Variants in RANBP17 observed in about 807,000 individuals in gnomAD.
RANBP17 encodes ran-binding protein 17.
Under a neutral mutation model 141.2 loss-of-function variants are expected in RANBP17, and 158 were observed. The ratio of observed to expected loss-of-function variants is 1.12; its 90% CI spans 0.98 to 1.28. RANBP17 has a LOEUF of 1.28. RANBP17 is among the 50% of genes most tolerant of loss of function. The pLI, the probability that RANBP17 is intolerant of heterozygous loss-of-function variation, is 0.00. For synonymous variants in RANBP17, 430 were observed against 450.0 expected (o/e 0.96, Z 0.56); for missense variants, 1,438 against 1,290.7 (o/e 1.11, Z -1.75).
At chr5:170,897,851 A>C (rs1368486487) in intron 5 of RANBP17, among the ~76,000 whole-genome samples, 1 of 152,194 alleles carries the variant, frequency 6.6e-6, no homozygotes. Flanking sequence ...GCTATTGTGA[A>C]TAGTGATGCA....
intron 14 of RANBP17, among the ~76,000 whole-genome samples, chr5:171,088,359 TA>T (rs1190691692): frequency 6.6e-6 from 1 of 152,192 alleles, no homozygotes. Context: ...CTTCCCTTTG[TA>T]AGTAACATGA....
At chr5:170,944,781 A>G (rs960409129) in intron 12 of RANBP17, among the ~76,000 whole-genome samples, 2 of 152,226 alleles carry the variant, frequency 1.3e-5, no homozygotes, top group African/African-American at 4.8e-5. Context: ...GAAAATGCTC[A>G]TAATTAATCA....
At chr5:170,908,445 C>T (rs1561878136) in intron 5 of RANBP17, among the ~76,000 whole-genome samples, 1 of 151,504 alleles carries the variant, frequency 6.6e-6, no homozygotes, top group Non-Finnish European at 1.5e-5. Flanking sequence ...TTCTCACTTC[C>T]AGTAGGAGTT....
chr5:170,979,394 C>T (rs929709342), intron 14 of RANBP17, among the ~76,000 whole-genome samples: 12 of 152,186 alleles, frequency 7.9e-5, no homozygotes, highest in African/African-American at 2.9e-4. Context: ...CTCCTGTCCC[C>T]TTGCAACTGT....
rs182681283 is a variant in RANBP17, at chr5:170,922,053, T to G, written c.1275-2304T>G. On this transcript the variant is annotated intron_variant, in intron 11 of 27. Coordinates refer to ENST00000523189, the MANE Select transcript of RANBP17 (RefSeq NM_022897.5). ...TTTTGTTGATGTCGATGCTATTCCT[T>G]TCTGTTTGTTAGTTTTCCTTCTAAC... Among the ~76,000 whole-genome samples the G allele has an allele frequency of 3.0e-4, 46 of 152,182 alleles. 2 individuals carry two copies. The highest frequency in any genetic ancestry group is 1.1e-3 in the African/African-American group (45 of 41,532).
At chr5:171,166,807 C>T (rs1167302921) in intron 14 of RANBP17, among the ~76,000 whole-genome samples, 3 of 152,146 alleles carry the variant, frequency 2.0e-5, no homozygotes, top group African/African-American at 7.2e-5. Flanking sequence ...ACACTGTAAT[C>T]ATACATTGAT....
chr5:170,875,102 G>C (rs1768071980), intron 1 of RANBP17, among the ~76,000 whole-genome samples: 1 of 152,278 alleles, frequency 6.6e-6, no homozygotes, highest in South Asian at 2.1e-4. Context: ...AGTTTGGCCA[G>C]ATATGACATT....
chr5:171,205,652 A>G, intron 20 of RANBP17, 40 bp downstream of exon 20: 2 of 1,506,408 alleles, frequency 1.3e-6, no homozygotes, highest in Non-Finnish European at 1.8e-6. Flanking sequence ...CTCTGTGCAC[A>G]GAGGGATGCC....
intron 25 of RANBP17, among the ~76,000 whole-genome samples, chr5:171,288,092 C>G (rs1262142095): frequency 6.6e-6 from 1 of 152,088 alleles, no homozygotes; most frequent in African/African-American, 2.4e-5. Flanking sequence ...GGAGGAAAGT[C>G]ATTATTTTTA....
At chr5:171,257,748 A>G (rs772426476) in intron 24 of RANBP17, among the ~76,000 whole-genome samples, 11 of 152,304 alleles carry the variant, frequency 7.2e-5, no homozygotes, top group African/African-American at 1.2e-4. Flanking sequence ...TAGTATTTCT[A>G]TATACCAATA....
intron 24 of RANBP17, among the ~76,000 whole-genome samples, chr5:171,261,749 C>T (rs1171542858): frequency 6.6e-6 from 1 of 152,126 alleles, no homozygotes; most frequent in African/African-American, 2.4e-5. Context: ...ACACCAAGAA[C>T]TAGGACAAAA....
rs184247772 is a variant in RANBP17, at chr5:171,046,087, T to C, written c.1710+77710T>C. Among the ~76,000 whole-genome samples the C allele has an allele frequency of 2.6e-5, 4 of 152,308 alleles. 1 individual carries two copies. The South Asian group carries it at 6.2e-4, about 24-fold the overall frequency. On this transcript the variant is annotated intron_variant, in intron 14 of 27. Transcript: ENST00000523189. ...TTCCCAAATTATAGCAACACTAATA[T>C]CAGTTTTTGAAGTAAATATAAATTA...
chr5:171,040,489 A>T (rs1227485080), intron 14 of RANBP17, among the ~76,000 whole-genome samples: 2 of 152,182 alleles, frequency 1.3e-5, no homozygotes, highest in African/African-American at 4.8e-5. Context: ...AATGTAGTAT[A>T]TGAGTCTGCT....
intron 14 of RANBP17, among the ~76,000 whole-genome samples, chr5:171,126,544 G>A (rs1201575742): frequency 6.6e-6 from 1 of 152,058 alleles, no homozygotes; most frequent in Non-Finnish European, 1.5e-5. Context: ...TTGGTTTTCT[G>A]AAAATATAAA....
intron 3 of RANBP17, among the ~76,000 whole-genome samples, chr5:170,891,447 G>C (rs1581066142): frequency 6.6e-6 from 1 of 152,196 alleles, no homozygotes; most frequent in East Asian, 1.9e-4. Context: ...GTAGATGTTT[G>C]AGGTATATGC....
intron 22 of RANBP17, among the ~76,000 whole-genome samples, chr5:171,229,990 G>A (rs1014699718): frequency 4.0e-5 from 6 of 151,794 alleles, no homozygotes; most frequent in Non-Finnish European, 8.8e-5. Context: ...GCTTGAACCC[G>A]GAAGGCAAAG....
chr5:170,981,582 C>T (rs1436813018), intron 14 of RANBP17, among the ~76,000 whole-genome samples: 1 of 151,596 alleles, frequency 6.6e-6, no homozygotes, highest in African/African-American at 2.4e-5. Context: ...TTGCCTGCCA[C>T]TATCCATGTA....
At chr5:170,926,954 T>C (rs867250456) in intron 12 of RANBP17, among the ~76,000 whole-genome samples, 3 of 152,270 alleles carry the variant, frequency 2.0e-5, no homozygotes, top group Non-Finnish European at 2.9e-5. Context: ...AGAACTCTTA[T>C]TTTTTGTAGA....
At chr5:171,067,592 T>TA (rs1311288200) in intron 14 of RANBP17, among the ~76,000 whole-genome samples, 6 of 152,148 alleles carry the variant, frequency 3.9e-5, no homozygotes, top group African/African-American at 1.4e-4. Flanking sequence ...TTTAGCTTCT[T>TA]AAAAATTTTT....
Sources: gnomAD v4.1 joint callset for allele counts (sites outside exome capture counted in the v4.1 genomes callset) on GRCh38, gnomAD v4.1.1 for gene constraint, MANE v1.5 for transcripts, NCBI Gene and HGNC (gene_info 2026-07-23, HGNC 2026-07-21) for gene names.